Variants in NR3C2 observed in about 807,000 individuals in gnomAD.
The protein encoded by NR3C2 is mineralocorticoid receptor.
Under a neutral mutation model 86.4 loss-of-function variants are expected in NR3C2, and 15 were observed. That is an observed-to-expected ratio of 0.17 (90% CI 0.12 to 0.27). The LOEUF (loss-of-function observed/expected upper bound fraction) is 0.27. Ranked by LOEUF, NR3C2 falls within the 10% of genes least tolerant of loss-of-function variation. NR3C2 has a pLI of 1.00. For missense variants in NR3C2, 960 were observed against 1,195.6 expected, an observed-to-expected ratio of 0.80 and a Z score of 2.91; for synonymous variants, 458 against 450.5, an observed-to-expected ratio of 1.02 and a Z score of -0.21.
intron 2 of NR3C2, among the ~76,000 whole-genome samples, chr4:148,318,890 A>G (rs1393767635): frequency 1.3e-5 from 2 of 150,698 alleles, no homozygotes; most frequent in African/African-American, 2.5e-5. Flanking sequence ...ATTAGATCCC[A>G]TTTGTCAATT....
At chr4:148,085,503 G>A (rs1041178964) in intron 8 of NR3C2, among the ~76,000 whole-genome samples, 1 of 152,198 alleles carries the variant, frequency 6.6e-6, no homozygotes, top group African/African-American at 2.4e-5. Context: ...GTGTTCAGAC[G>A]GAAATTTATA....
At chr4:148,365,107 C>G (rs774629505) in intron 2 of NR3C2, among the ~76,000 whole-genome samples, 1 of 152,180 alleles carries the variant, frequency 6.6e-6, no homozygotes, top group Admixed American at 6.5e-5. Flanking sequence ...AATAAGCAAT[C>G]CTTTTCTTAA....
intron 2 of NR3C2, among the ~76,000 whole-genome samples, chr4:148,304,197 C>A (rs1464612831): frequency 6.6e-6 from 1 of 152,140 alleles, no homozygotes; most frequent in Non-Finnish European, 1.5e-5. Flanking sequence ...GTGGGACACT[C>A]CCCTCGGATG....
intron 2 of NR3C2, among the ~76,000 whole-genome samples, chr4:148,430,257 T>G (rs72645614): frequency 0.013 from 2,046 of 152,302 alleles, 54 homozygotes; most frequent in African/African-American, 0.046. Context: ...CCATGGCTTT[T>G]ATCTCAGCAT....
intron 4 of NR3C2, among the ~76,000 whole-genome samples, chr4:148,192,595 T>C (rs1736247869): frequency 6.6e-6 from 1 of 150,476 alleles, no homozygotes; most frequent in African/African-American, 2.5e-5. Flanking sequence ...GGAAGGACCA[T>C]CAGGTGGGGG....
intron 2 of NR3C2, among the ~76,000 whole-genome samples, chr4:148,306,238 T>C (rs538396705): frequency 5.9e-5 from 9 of 152,340 alleles, no homozygotes; most frequent in Admixed American, 5.2e-4. Flanking sequence ...AACAGGGTCT[T>C]AGATGTACCC....
chr4:148,210,486 C>T (rs1737231003), intron 3 of NR3C2, among the ~76,000 whole-genome samples: 1 of 152,196 alleles, frequency 6.6e-6, no homozygotes, highest in South Asian at 2.1e-4. Context: ...CCATTGCACC[C>T]AGCCACTAAT....
chr4:148,113,828 G>A (rs985990120), intron 8 of NR3C2, among the ~76,000 whole-genome samples: 6 of 152,188 alleles, frequency 3.9e-5, no homozygotes, highest in East Asian at 1.9e-4. Flanking sequence ...GTTGCTAGGC[G>A]AAAATGCTAT....
rs531311487 is a variant in NR3C2, at chr4:148,332,931, A to AT, written c.1758-72815dup. ...TTTTCCATGTGTTTTAACTTTGTGT[A>AT]TTTTTCATTAAAAAATAACAAGACA... On this transcript the variant is annotated intron_variant, in intron 2 of 8. Transcript: ENST00000358102. Among the ~76,000 whole-genome samples, 10 of 152,184 alleles carry AT rather than the reference A, an allele frequency of 6.6e-5. No homozygotes were observed. In the East Asian group the frequency reaches 1.9e-3, roughly 29 times the overall value.
intron 4 of NR3C2, among the ~76,000 whole-genome samples, chr4:148,160,367 C>T (rs1191633246): frequency 3.1e-5 from 3 of 96,468 alleles, no homozygotes; most frequent in Non-Finnish European, 6.5e-5. Flanking sequence ...TGAAACATGA[C>T]ATGGCAAGAT....
intron 8 of NR3C2, among the ~76,000 whole-genome samples, chr4:148,093,551 G>A (rs974569161): frequency 5.3e-5 from 8 of 152,190 alleles, no homozygotes; most frequent in Non-Finnish European, 1.2e-4. Context: ...GCATTGGGGC[G>A]GGGGATATTG....
At chr4:148,193,111 T>C (rs11099682) in intron 4 of NR3C2, among the ~76,000 whole-genome samples, 112,663 of 152,148 alleles carry the variant, frequency 0.74, 42,787 homozygotes, top group African/African-American at 0.92. Context: ...TGGTGTCAGG[T>C]AGGAGTGGGC....
intron 2 of NR3C2, among the ~76,000 whole-genome samples, chr4:148,420,372 G>A (rs980270025): frequency 3.9e-5 from 6 of 152,170 alleles, no homozygotes; most frequent in East Asian, 1.9e-4. Flanking sequence ...AATATGAGAC[G>A]GGTCCTTGTG....
intron 4 of NR3C2, among the ~76,000 whole-genome samples, chr4:148,183,443 G>T (rs929556887): frequency 1.3e-5 from 2 of 152,192 alleles, no homozygotes; most frequent in Non-Finnish European, 2.9e-5. Context: ...CACCAACAGT[G>T]TAAAAGCATT....
At chr4:148,443,876 G>A (rs915437281), upstream of NR3C2, 1 of 495,238 alleles carries the variant, frequency 2.0e-6, no homozygotes, top group Non-Finnish European at 2.6e-6. Flanking sequence ...ACCCAGGGCT[G>A]AGACTTGAAC....
chr4:148,154,719 C>T lies in NR3C2; in HGVS notation c.2197G>A (p.Ala733Thr). ...ACCATAACGGGGGAAGGTGTGAGCG[C>T]TCGTGAGATTGTGGAGAGCTGAGGA... ...LVPQLSTISRALTPSPVMVLE... is the reference protein window; with the variant it reads ...LVPQLSTISRTLTPSPVMVLE... Residue 733 changes from alanine (A) to threonine (T), a missense_variant, in exon 5 of 9, where the codon GCG becomes ACG. By Grantham distance (58) the Ala-to-Thr change is moderately conservative. Around this residue, in one of 4 missense-constraint regions of NR3C2, gnomAD observed 82 missense variants for 73.0 expected, o/e 1.12. Transcript: ENST00000358102. The T allele has an allele frequency of 1.2e-6, 2 of 1,611,742 alleles. No homozygotes were observed. The highest frequency in any genetic ancestry group is 1.1e-5 in the South Asian group (1 of 90,986).
chr4:148,388,972 G>T (rs970189414), intron 2 of NR3C2, among the ~76,000 whole-genome samples: 2 of 152,196 alleles, frequency 1.3e-5, no homozygotes, highest in Non-Finnish European at 2.9e-5. Flanking sequence ...TAGCTTACAG[G>T]AGAAAGCTTT....
intron 2 of NR3C2, among the ~76,000 whole-genome samples, chr4:148,351,655 T>C (rs1745283469): frequency 6.6e-6 from 1 of 152,190 alleles, no homozygotes; most frequent in Admixed American, 6.5e-5. Context: ...CAGCATCTTG[T>C]TCAATTTGCA....
intron 2 of NR3C2, among the ~76,000 whole-genome samples, chr4:148,358,664 G>T (rs940069559): frequency 2.6e-5 from 4 of 151,560 alleles, no homozygotes; most frequent in African/African-American, 9.7e-5. Flanking sequence ...CCATATCTCC[G>T]TTCTTTTTTG....
Sources: allele counts gnomAD v4.1 joint callset (sites outside exome capture counted in the v4.1 genomes callset), GRCh38; gene constraint gnomAD v4.1.1; regional missense constraint gnomAD v4.1.1; transcripts MANE v1.5; gene names NCBI Gene and HGNC (gene_info 2026-07-23, HGNC 2026-07-21).